The following PGM5 variants were observed in gnomAD, a reference collection of about 807,000 sequenced individuals.
PGM5 encodes phosphoglucomutase 5.
In PGM5, 23 loss-of-function variants were observed where a neutral mutation model predicts 59.2. The ratio of observed to expected loss-of-function variants is 0.39; its 90% CI spans 0.28 to 0.55. The LOEUF (loss-of-function observed/expected upper bound fraction) is 0.55. Ranked by LOEUF, PGM5 falls within the 20% of genes least tolerant of loss-of-function variation. The probability of loss-of-function intolerance (pLI) is 0.66; values close to 1 mark genes in which losing one functional copy is unlikely to be tolerated. For missense variants in PGM5, 574 were observed against 748.3 expected, an observed-to-expected ratio of 0.77 and a Z score of 2.72; for synonymous variants, 214 against 286.0, an observed-to-expected ratio of 0.75 and a Z score of 2.54.
chr9:68,368,790 A>T (rs1587771395), intron 1 of PGM5, among the ~76,000 whole-genome samples: 1 of 152,154 alleles, frequency 6.6e-6, no homozygotes, highest in Non-Finnish European at 1.5e-5. Flanking sequence ...CTACAGGTGC[A>T]CGCCACCATG....
intron 6 of PGM5, among the ~76,000 whole-genome samples, chr9:68,434,773 G>A (rs1300833277): frequency 6.6e-6 from 1 of 151,064 alleles, no homozygotes; most frequent in African/African-American, 2.4e-5. Context: ...CTGAGAGACA[G>A]CAAGACTCCA....
At chr9:68,432,917 A>G (rs1165030549) in intron 6 of PGM5, among the ~76,000 whole-genome samples, 1 of 152,094 alleles carries the variant, frequency 6.6e-6, no homozygotes, top group Non-Finnish European at 1.5e-5. Flanking sequence ...TAAATGAACC[A>G]TATTTTTTTA....
At chr9:68,461,013 T>C (rs1446064412) in intron 6 of PGM5, among the ~76,000 whole-genome samples, 2 of 152,182 alleles carry the variant, frequency 1.3e-5, no homozygotes, top group Non-Finnish European at 2.9e-5. Flanking sequence ...AGGACTATAC[T>C]CATTAAGATA....
At chr9:68,400,419 T>A (rs1822635449) in intron 6 of PGM5, among the ~76,000 whole-genome samples, 1 of 152,138 alleles carries the variant, frequency 6.6e-6, no homozygotes, top group Non-Finnish European at 1.5e-5. Context: ...GTCCCTGAAA[T>A]GTATTCCCTT....
chr9:68,455,747 T>C (rs1554684753), intron 6 of PGM5, among the ~76,000 whole-genome samples: 1 of 152,200 alleles, frequency 6.6e-6, no homozygotes. Context: ...TGTCTCTTCA[T>C]TTAGTCTCAT....
At chr9:68,415,226 G>A (rs1264384359) in intron 6 of PGM5, among the ~76,000 whole-genome samples, 3 of 149,362 alleles carry the variant, frequency 2.0e-5, no homozygotes, top group Admixed American at 6.6e-5. Flanking sequence ...AAAAACCTGG[G>A]CCAGGTCAAA....
At chr9:68,492,669 C>T (rs371841137) in intron 9 of PGM5, among the ~76,000 whole-genome samples, 1 of 152,258 alleles carries the variant, frequency 6.6e-6, no homozygotes, top group East Asian at 1.9e-4. Context: ...TAGAGGGGGG[C>T]ACCTGTTTTT....
At chr9:68,412,132 T>C (rs1468806713) in intron 6 of PGM5, among the ~76,000 whole-genome samples, 1 of 150,566 alleles carries the variant, frequency 6.6e-6, no homozygotes, top group Admixed American at 6.6e-5. Flanking sequence ...TCTTTTCTAA[T>C]CTGCTTCTTG....
At chr9:68,380,002 T>A (rs1304040093) in intron 2 of PGM5, among the ~76,000 whole-genome samples, 2 of 151,846 alleles carry the variant, frequency 1.3e-5, no homozygotes, top group African/African-American at 2.4e-5. Context: ...AATATAACAC[T>A]AATAGGGGAC....
At chr9:68,385,337 G>C (rs1450496188) in intron 3 of PGM5, among the ~76,000 whole-genome samples, 1 of 152,204 alleles carries the variant, frequency 6.6e-6, no homozygotes, top group Non-Finnish European at 1.5e-5. Context: ...CTTGAATGCA[G>C]TTTGTGTTAA....
At chr9:68,414,618 G>A (rs1822991572) in intron 6 of PGM5, among the ~76,000 whole-genome samples, 1 of 151,690 alleles carries the variant, frequency 6.6e-6, no homozygotes, top group Non-Finnish European at 1.5e-5. Flanking sequence ...GGTGCACGAG[G>A]AAATGATAAG....
intron 6 of PGM5, chr9:68,402,613 G>A (rs375624012): frequency 1.8e-4 from 28 of 152,284 alleles, no homozygotes; most frequent in African/African-American, 6.7e-4. Flanking sequence ...GAGGTTTTCA[G>A]ATATCAGTCA....
intron 10 of PGM5, among the ~76,000 whole-genome samples, chr9:68,502,736 T>C (rs142721622): frequency 6.6e-6 from 1 of 152,074 alleles, no homozygotes; most frequent in East Asian, 1.9e-4. Context: ...GTGGCCCAGG[T>C]TGAAGTGCAG....
At chr9:68,451,734 C>G (rs1823699962) in intron 6 of PGM5, among the ~76,000 whole-genome samples, 1 of 152,200 alleles carries the variant, frequency 6.6e-6, no homozygotes, top group Non-Finnish European at 1.5e-5. Context: ...CTACTTCCTG[C>G]TACACCAGAA....
chr9:68,372,092 G>T (rs191436064), intron 1 of PGM5, among the ~76,000 whole-genome samples: 3 of 152,228 alleles, frequency 2.0e-5, no homozygotes, highest in Admixed American at 2.0e-4. Flanking sequence ...GCCTTGTGAA[G>T]CTAATACAAA....
At chr9:68,382,337 C>G (rs1822099372) in intron 2 of PGM5, among the ~76,000 whole-genome samples, 1 of 151,644 alleles carries the variant, frequency 6.6e-6, no homozygotes, top group Non-Finnish European at 1.5e-5. Flanking sequence ...AAATTGGACC[C>G]TTATCTTACA....
intron 9 of PGM5, chr9:68,497,926 C>T (rs1175367384): frequency 6.6e-6 from 1 of 152,148 alleles, no homozygotes; most frequent in Non-Finnish European, 1.5e-5. Context: ...AGATACATAG[C>T]GAATGGAGAT....
At chr9:68,523,206 T>G (rs1215576169) in intron 10 of PGM5, among the ~76,000 whole-genome samples, 2 of 152,170 alleles carry the variant, frequency 1.3e-5, no homozygotes, top group Non-Finnish European at 2.9e-5. Context: ...TGGGATCATG[T>G]GATGCAAACA....
At chr9:68,520,855 A>G (rs953065683) in intron 10 of PGM5, among the ~76,000 whole-genome samples, 10 of 152,250 alleles carry the variant, frequency 6.6e-5, no homozygotes, top group Admixed American at 2.6e-4. Context: ...TGTCTTCAGA[A>G]GGACAAGCAT....
Sources: gnomAD v4.1 joint callset for allele counts (sites outside exome capture counted in the v4.1 genomes callset) on GRCh38, gnomAD v4.1.1 for gene constraint, MANE v1.5 for transcripts, NCBI Gene and HGNC (gene_info 2026-07-23, HGNC 2026-07-21) for gene names.